AEBP2: variants seen among roughly 807,000 people sequenced by gnomAD.
The protein encoded by AEBP2 is AE binding protein 2.
Under a neutral mutation model 50.8 loss-of-function variants are expected in AEBP2, and 10 were observed. The observed-to-expected ratio is 0.20, with a 90% CI of 0.12 to 0.33. The LOEUF (loss-of-function observed/expected upper bound fraction) is 0.33. Ranked by LOEUF, AEBP2 falls within the 10% of genes least tolerant of loss-of-function variation. The pLI, the probability that AEBP2 is intolerant of heterozygous loss-of-function variation, is 1.00. For missense variants in AEBP2, 570 were observed against 688.0 expected (o/e 0.83, Z 1.92); for synonymous variants, 296 against 261.3 (o/e 1.13, Z -1.28).
intron 4 of AEBP2, among the ~76,000 whole-genome samples, chr12:19,497,326 G>GT (rs1491166710): frequency 0.014 from 811 of 59,988 alleles, 15 homozygotes; most frequent in African/African-American, 0.069. Flanking sequence ...GTTTCCAAAG[G>GT]TGTTTTTTTT....
At chr12:19,459,597 C>T (rs1382907209) in intron 1 of AEBP2, among the ~76,000 whole-genome samples, 4 of 152,038 alleles carry the variant, frequency 2.6e-5, no homozygotes, top group Non-Finnish European at 5.9e-5. Context: ...ACCACCATAC[C>T]CAAGGTTAGT....
At chr12:19,501,373 A>G (rs1225853286) in intron 5 of AEBP2, among the ~76,000 whole-genome samples, 1 of 151,346 alleles carries the variant, frequency 6.6e-6, no homozygotes, top group African/African-American at 2.4e-5. Flanking sequence ...CATGGCTCAC[A>G]CCTATAATCC....
chr12:19,408,729 G>A (rs1001784354), intron 1 of AEBP2, among the ~76,000 whole-genome samples: 9 of 151,494 alleles, frequency 5.9e-5, no homozygotes, highest in Non-Finnish European at 8.8e-5. Flanking sequence ...GTGAAACCCC[G>A]TCTCTACTAA....
At chr12:19,508,557 C>A (rs1374875336) in intron 5 of AEBP2, among the ~76,000 whole-genome samples, 1 of 152,148 alleles carries the variant, frequency 6.6e-6, no homozygotes, top group Non-Finnish European at 1.5e-5. Flanking sequence ...AAGAGTTTGA[C>A]GTTATTGTTT....
intron 1 of AEBP2, chr12:19,413,139 A>C (rs953076009): frequency 1.2e-5 from 9 of 722,514 alleles, no homozygotes; most frequent in Non-Finnish European, 2.3e-5. Flanking sequence ...TTCTGACCCA[A>C]GTTTAGCCGA....
At chr12:19,515,936 C>CA (rs1949311194) in intron 7 of AEBP2, among the ~76,000 whole-genome samples, 1 of 151,958 alleles carries the variant, frequency 6.6e-6, no homozygotes, top group Non-Finnish European at 1.5e-5. Flanking sequence ...CCTGTCTCTA[C>CA]AAAAAATACA....
intron 6 of AEBP2, among the ~76,000 whole-genome samples, chr12:19,513,523 T>C (rs1174336026): frequency 6.6e-6 from 1 of 152,148 alleles, no homozygotes; most frequent in Non-Finnish European, 1.5e-5. Flanking sequence ...TTTGTGAGGC[T>C]GAGGCAGAAA....
At chr12:19,445,087 C>T (rs1202856991) in intron 1 of AEBP2, among the ~76,000 whole-genome samples, 1 of 152,088 alleles carries the variant, frequency 6.6e-6, no homozygotes, top group Non-Finnish European at 1.5e-5. Flanking sequence ...ATAATGGTTC[C>T]TATCCTGTAA....
chr12:19,498,275 T>C (rs1438016897), intron 4 of AEBP2, among the ~76,000 whole-genome samples: 2 of 152,194 alleles, frequency 1.3e-5, no homozygotes, highest in Non-Finnish European at 2.9e-5. Flanking sequence ...AAGTGATGTA[T>C]TTCTCAGAAC....
chr12:19,472,453 T>G (rs556864463), intron 2 of AEBP2, among the ~76,000 whole-genome samples: 2 of 152,264 alleles, frequency 1.3e-5, no homozygotes, highest in South Asian at 4.1e-4. Context: ...TGATAAAGAT[T>G]AATTTGTTAG....
rs555242999 is a variant in AEBP2 at position 19,456,406 on chromosome 12, C to T, written c.672-6104C>T. On this transcript the variant is annotated intron_variant, in intron 1 of 7. Coordinates refer to ENST00000266508, the MANE Select transcript of AEBP2 (RefSeq NM_153207.5). ...TAGTCTGAGAAGCACTCAACACACA[C>T]GGGCTTGCCAGGAACCATATCAACG... The T allele has an allele frequency of 9.8e-4, 1,346 of 1,379,354 alleles. 16 individuals carry two copies. In the South Asian group the frequency reaches 0.015, roughly 15 times the overall value. 85.4% of individuals were successfully genotyped at this position (1,379,354 alleles called of 1,614,324 possible). A position where few individuals can be genotyped will look rare whatever the true frequency, so the allele number is the denominator to read the frequency against.
chr12:19,497,254 A>C (rs1287250721), intron 4 of AEBP2, among the ~76,000 whole-genome samples: 1 of 150,524 alleles, frequency 6.6e-6, no homozygotes, highest in Non-Finnish European at 1.5e-5. Context: ...ACACCTAAGG[A>C]GAAGATAAAT....
At chr12:19,416,537 C>T (rs1164627513) in intron 1 of AEBP2, among the ~76,000 whole-genome samples, 4 of 151,594 alleles carry the variant, frequency 2.6e-5, no homozygotes, top group Non-Finnish European at 5.9e-5. Context: ...TCCCGAGTAG[C>T]TGGGATTACA....
At chr12:19,497,598 G>C (rs1219665775) in intron 4 of AEBP2, among the ~76,000 whole-genome samples, 2 of 152,000 alleles carry the variant, frequency 1.3e-5, no homozygotes. Flanking sequence ...TCAGCTTCTT[G>C]AGTAGCTGGG....
intron 1 of AEBP2, chr12:19,413,429 TA>T: frequency 2.7e-6 from 3 of 1,127,040 alleles, no homozygotes; most frequent in Non-Finnish European, 4.1e-6. Flanking sequence ...AGAAGAAAAG[TA>T]ATGGACTCTG....
Position 19,518,434 on chromosome 12 carries a change from G to T in AEBP2, c.*317G>T. 1 of 1,236,288 alleles carries T rather than the reference G, an allele frequency of 8.1e-7. No individual in the cohort carries two copies. The highest frequency in any genetic ancestry group is 1.0e-6 in the Non-Finnish European group (1 of 988,052). The allele number at this position is 1,236,288 out of a possible 1,614,324, so 76.6% of individuals were successfully genotyped here. A position where few individuals can be genotyped will look rare whatever the true frequency, so the allele number is the denominator to read the frequency against. On this transcript the variant is annotated 3_prime_UTR_variant, in exon 8 of 8. Coordinates refer to ENST00000266508, the MANE Select transcript of AEBP2 (RefSeq NM_153207.5). Reference sequence around the variant, plus strand: ...AGGCTTTGCATGCTTGCTGCTTTAAGCTGCTTTTTTTTTTCTTTTCTTCCC... The same window carrying T: ...AGGCTTTGCATGCTTGCTGCTTTAATCTGCTTTTTTTTTTCTTTTCTTCCC...
At chr12:19,437,687 T>G (rs139264091), upstream of AEBP2, among the ~76,000 whole-genome samples, 1 of 152,384 alleles carries the variant, frequency 6.6e-6, no homozygotes, top group East Asian at 1.9e-4. Context: ...TTCACTTTAA[T>G]ACATTCCTTA....
chr12:19,439,754 C>T lies in AEBP2; in HGVS notation c.55C>T (p.Pro19Ser), dbSNP rs1270209713. The change falls in exon 1 of 8, where the codon CCT (proline) becomes TCT (serine). Residue 19 changes from proline (P) to serine (S), a missense_variant. Pro to Ser is a moderately conservative substitution (Grantham distance 74, BLOSUM62 -1). Transcript: ENST00000266508. ...CCTGGAGGAGCTCTCCCGCCTGAGC[C>T]CTCTGCCCCCCGGCAGCCCGGGTTC... ...ADLEELSRLS[P>S]LPPGSPGSAA... The T allele has an allele frequency of 6.6e-7, 1 of 1,517,966 alleles. No homozygotes were observed. The highest frequency in any genetic ancestry group is 2.0e-5 in the Admixed American group (1 of 50,084). 94.0% of individuals were successfully genotyped at this position (1,517,966 alleles called of 1,614,324 possible).
chr12:19,451,094 C>T (rs943459331), intron 1 of AEBP2, among the ~76,000 whole-genome samples: 3 of 152,102 alleles, frequency 2.0e-5, no homozygotes, highest in African/African-American at 7.2e-5. Flanking sequence ...GTAAGCATTA[C>T]AGAGTTAATA....
Sources: gnomAD v4.1 joint callset for allele counts (sites outside exome capture counted in the v4.1 genomes callset) on GRCh38, gnomAD v4.1.1 for gene constraint, MANE v1.5 for transcripts, NCBI Gene and HGNC (gene_info 2026-07-23, HGNC 2026-07-21) for gene names.